ABCC8: variants seen among roughly 807,000 people sequenced by gnomAD.
ABCC8 encodes ATP binding cassette subfamily C member 8.
A neutral mutation model predicts 188.0 loss-of-function variants in ABCC8; 137 were observed. That is an observed-to-expected ratio of 0.73 (90% CI 0.63 to 0.84). The LOEUF is 0.84. ABCC8 is among the 40% of genes least tolerant of loss of function. The pLI is 0.00. For missense variants in ABCC8, 1,750 were observed against 2,072.7 expected (o/e 0.84, Z 3.02); for synonymous variants, 797 against 846.5 (o/e 0.94, Z 1.01).
At chr11:17,419,461 A>C (rs1353972713) in intron 16 of ABCC8, among the ~76,000 whole-genome samples, 2 of 152,244 alleles carry the variant, frequency 1.3e-5, no homozygotes, top group Admixed American at 6.5e-5. Flanking sequence ...GAAAAGTAGG[A>C]CAAAGTATCG....
chr11:17,393,204 C>T, intron 38 of ABCC8, 76 bp from the exon 39 acceptor site: 1 of 1,591,620 alleles, frequency 6.3e-7, no homozygotes, highest in Non-Finnish European at 8.6e-7. Flanking sequence ...GAGGGTGGCC[C>T]TCCTGCGGCT....
At position 17,427,152 on chromosome 11, in the gene ABCC8, G is replaced by T; in HGVS notation, c.2119C>A (p.Gln707Lys). Residue 707 changes from glutamine (Q) to lysine (K), a missense_variant and splice_region_variant, in exon 16 of 39, where the codon CAG becomes AAG. Transcript: ENST00000389817. This position sits in a 1 kb window ranked among gnomAD's most constrained non-coding sequence, Gnocchi z 5.0. ...SNITIRIPRGQLTMIVGQVGC... is the reference protein window; with the variant it reads ...SNITIRIPRGKLTMIVGQVGC... ...ACCTGCCCCACGATCATAGTCAGCTGGCCTGCAGGGAGGGAGGGTGGCAGA... is the reference window on the plus strand; with the variant it reads ...ACCTGCCCCACGATCATAGTCAGCTTGCCTGCAGGGAGGGAGGGTGGCAGA... The T allele has an allele frequency of 6.2e-7, 1 of 1,612,436 alleles. No homozygotes were observed. Among genetic ancestry groups the T allele is most frequent in the Non-Finnish European group, 8.5e-7 (1 of 1,179,236 alleles).
intron 31 of ABCC8, 41 bp downstream of exon 31, chr11:17,397,643 G>T: frequency 6.3e-7 from 1 of 1,599,444 alleles, no homozygotes; most frequent in Admixed American, 1.7e-5. Flanking sequence ...CGGGAGTGCT[G>T]GTGTCTGACC....
At chr11:17,422,492 C>A (rs1955391442) in intron 16 of ABCC8, among the ~76,000 whole-genome samples, 1 of 152,178 alleles carries the variant, frequency 6.6e-6, no homozygotes, top group South Asian at 2.1e-4. Context: ...AACTTAAGAT[C>A]TTCAAGAGGC....
At chr11:17,393,571 C>T in intron 38 of ABCC8, 126 bp downstream of exon 38, 1 of 1,469,922 alleles carries the variant, frequency 6.8e-7, no homozygotes, top group South Asian at 1.1e-5. Flanking sequence ...CCCTGAACTG[C>T]CTGCTTCAGG....
At position 17,461,636 on chromosome 11, in the gene ABCC8, T is replaced by G. The variant is rs1267740790; in HGVS notation, c.769A>C (p.Met257Leu). 6.2e-7 allele frequency: 1 copy of G among 1,614,222 alleles called. No homozygotes were observed. Among genetic ancestry groups the G allele is most frequent in the African/African-American group, 1.3e-5 (1 of 75,064 alleles). Reference sequence around the variant, plus strand: ...CGTTGGTAGTTGGTGAGGGCCCTCATGGCGATGGGCAGCTTCCCGATGGCT... The same window carrying G: ...CGTTGGTAGTTGGTGAGGGCCCTCAGGGCGATGGGCAGCTTCCCGATGGCT... Reference protein sequence around the residue: ...LRAIGKLPIAMRALTNYQRLC... With the variant: ...LRAIGKLPIALRALTNYQRLC... Residue 257 changes from methionine (M) to leucine (L), a missense_variant, in exon 5 of 39, where the codon ATG (methionine) becomes CTG (leucine). Met to Leu is a conservative substitution (Grantham distance 15). Coordinates refer to ENST00000389817, the MANE Select transcript of ABCC8 (RefSeq NM_000352.6).
intron 6 of ABCC8, among the ~76,000 whole-genome samples, chr11:17,456,075 G>T (rs1956985932): frequency 6.6e-6 from 1 of 151,938 alleles, no homozygotes; most frequent in Non-Finnish European, 1.5e-5. Flanking sequence ...GATAGCACTG[G>T]TCAGCACCCT....
At chr11:17,428,167 C>A in intron 14 of ABCC8, 122 bp downstream of exon 14, 7 of 1,561,526 alleles carry the variant, frequency 4.5e-6, no homozygotes, top group Non-Finnish European at 3.5e-6. Context: ...CTCCTATGGA[C>A]CGTACAGGCA....
chr11:17,471,853 T>A (rs537094190), intron 2 of ABCC8, among the ~76,000 whole-genome samples: 4 of 152,312 alleles, frequency 2.6e-5, no homozygotes, highest in Admixed American at 6.5e-5. Flanking sequence ...TCTTTTTTAA[T>A]GAAATGGTAG....
At chr11:17,441,765 C>T (rs141464386) in intron 10 of ABCC8, among the ~76,000 whole-genome samples, 42 of 152,274 alleles carry the variant, frequency 2.8e-4, no homozygotes, top group Non-Finnish European at 4.9e-4. Flanking sequence ...AATTAATTTC[C>T]ATAACTAAAA....
At position 17,412,671 on chromosome 11, in the gene ABCC8, A is replaced by T; in HGVS notation, c.2551T>A (p.Phe851Ile). The T allele has an allele frequency of 6.2e-7, 1 of 1,611,460 alleles. No individual in the cohort carries two copies. The highest frequency in any genetic ancestry group is 8.5e-7 in the Non-Finnish European group (1 of 1,178,740). ...RALYQHANVV[F>I]LDDPFSALDI... ...CCAAGGGAACTTGCACTCACCAAGAAGACAACGTTGGCGTGCTGGTAGAGG... is the reference window on the plus strand; with the variant it reads ...CCAAGGGAACTTGCACTCACCAAGATGACAACGTTGGCGTGCTGGTAGAGG... The change falls in exon 21 of 39, where the codon TTC (phenylalanine) becomes ATC (isoleucine). Residue 851 changes from phenylalanine (F) to isoleucine (I), a missense_variant. Physicochemically the swap from Phe to Ile is conservative, Grantham distance 21. Coordinates refer to ENST00000389817, the MANE Select transcript of ABCC8 (RefSeq NM_000352.6).
At chr11:17,417,412 A>G (rs1436279501) in intron 16 of ABCC8, among the ~76,000 whole-genome samples, 1 of 152,212 alleles carries the variant, frequency 6.6e-6, no homozygotes, top group East Asian at 1.9e-4. Context: ...TGTGTACTGC[A>G]CGTGGTACTG....
intron 17 of ABCC8, 137 bp from the exon 18 acceptor site, chr11:17,415,476 G>A (rs1955026983): frequency 2.6e-6 from 4 of 1,526,708 alleles, no homozygotes; most frequent in Non-Finnish European, 3.5e-6. Flanking sequence ...CACAAATGCT[G>A]CATAGAGAGG....
intron 16 of ABCC8, among the ~76,000 whole-genome samples, chr11:17,417,528 T>C (rs1955141154): frequency 1.3e-5 from 2 of 152,176 alleles, no homozygotes; most frequent in South Asian, 4.1e-4. Flanking sequence ...AAACACTGAG[T>C]GAGGTGACTT....
chr11:17,420,604 C>T (rs554357733), intron 16 of ABCC8, among the ~76,000 whole-genome samples: 34 of 152,156 alleles, frequency 2.2e-4, no homozygotes, highest in Non-Finnish European at 4.1e-4. Context: ...GGAATCAGGG[C>T]TCTTGGCAGG....
chr11:17,406,362 T>C, intron 26 of ABCC8: 6 of 546,034 alleles, frequency 1.1e-5, no homozygotes, highest in East Asian at 3.1e-5. Flanking sequence ...TACTTGGATG[T>C]GCAGACGCTC....
chr11:17,466,342 T>C (rs924496718), intron 3 of ABCC8, among the ~76,000 whole-genome samples: 7 of 142,026 alleles, frequency 4.9e-5, no homozygotes, highest in African/African-American at 8.2e-5. Context: ...GAGGTTGCGG[T>C]GAGCCGAGAT....
chr11:17,398,293 C>T, intron 30 of ABCC8, 46 bp downstream of exon 30: 2 of 1,609,464 alleles, frequency 1.2e-6, no homozygotes, highest in Non-Finnish European at 1.7e-6. Context: ...CTTGCTCTGG[C>T]CCCACCCTCC....
chr11:17,394,072 G>T (rs1191804242), intron 37 of ABCC8, among the ~76,000 whole-genome samples, 194 bp downstream of exon 37: 1 of 152,184 alleles, frequency 6.6e-6, no homozygotes, highest in African/African-American at 2.4e-5. Context: ...GTTTTTGTGT[G>T]TGCGTGTGTG....
Sources: allele counts gnomAD v4.1 joint callset (sites outside exome capture counted in the v4.1 genomes callset), GRCh38; gene constraint gnomAD v4.1.1; non-coding constraint Gnocchi (gnomAD v3.1); transcripts MANE v1.5; gene names NCBI Gene and HGNC (gene_info 2026-07-23, HGNC 2026-07-21).